The following RYR3 variants were observed in gnomAD, a reference collection of about 807,000 sequenced individuals.
The protein encoded by RYR3 is brain ryanodine receptor-calcium release channel.
RYR3 carries 207 observed loss-of-function variants against 584.3 expected under a neutral mutation model. The ratio of observed to expected loss-of-function variants is 0.35; its 90% CI spans 0.32 to 0.40. The LOEUF is 0.40. RYR3 is among the 10% of genes least tolerant of loss of function. RYR3 has a pLI of 1.00. For synonymous variants in RYR3, 2,416 were observed against 2,248.5 expected, an observed-to-expected ratio of 1.07 and a Z score of -2.11; for missense variants, 5,616 against 6,089.2, an observed-to-expected ratio of 0.92 and a Z score of 2.59.
intron 1 of RYR3, among the ~76,000 whole-genome samples, chr15:33,356,579 C>G (rs1367005985): frequency 6.6e-6 from 1 of 152,118 alleles, no homozygotes; most frequent in Non-Finnish European, 1.5e-5. Flanking sequence ...TGTATAATCT[C>G]TCTGAATTTT....
intron 16 of RYR3, among the ~76,000 whole-genome samples, chr15:33,591,129 T>G (rs879639496): frequency 4.6e-5 from 7 of 152,192 alleles, no homozygotes; most frequent in Non-Finnish European, 1.0e-4. Flanking sequence ...GCTCCTCACT[T>G]CCTACTTTTC....
intron 69 of RYR3, 57 bp downstream of exon 69, chr15:33,802,018 T>G: frequency 1.9e-6 from 2 of 1,038,682 alleles, no homozygotes; most frequent in Non-Finnish European, 3.1e-6. Flanking sequence ...AGCCATGACT[T>G]GGATCTGTTT....
In RYR3 at chr15:33,699,690, A is replaced by C. The variant is rs373487219; in HGVS notation, c.6250-14A>C. The C allele has an allele frequency of 5.0e-6, 8 of 1,611,490 alleles. No individual in the cohort carries two copies. In the African/African-American group the frequency reaches 9.3e-5, roughly 19 times the overall value. ...TAGATTCTTTTGTCTGACACTTTCT[A>C]CTTCTCCCTACAGATTGCATTTCCA... On this transcript the variant is annotated splice_polypyrimidine_tract_variant and intron_variant, in intron 40 of 103. Coordinates refer to ENST00000634891, the MANE Select transcript of RYR3 (RefSeq NM_001036.6).
intron 46 of RYR3, among the ~76,000 whole-genome samples, 168 bp from the exon 47 acceptor site, chr15:33,728,689 G>C (rs1238567424): frequency 1.3e-5 from 2 of 152,180 alleles, no homozygotes; most frequent in Admixed American, 6.5e-5. Flanking sequence ...TTCAGATCTT[G>C]GTGCATTTCA....
intron 11 of RYR3, among the ~76,000 whole-genome samples, chr15:33,564,756 T>C (rs1221268582): frequency 2.0e-5 from 3 of 152,182 alleles, no homozygotes. Context: ...TGGCCATGCC[T>C]TCTCTTCTAG....
rs1023600248 is a variant in RYR3 at position 33,390,550 on chromosome 15, G to C, written c.51+79454G>C. 2.6e-5 allele frequency among the ~76,000 whole-genome samples: 4 copies of C among 152,150 alleles called. No individual in the cohort carries two copies. The highest frequency in any genetic ancestry group is 5.9e-5 in the Non-Finnish European group (4 of 68,038). ...CGACTTCTTCTTCAGGGGGTGATAG[G>C]TGTGGAGAGAAGAGTTAACAAAGCA... On this transcript the variant is annotated intron_variant, in intron 1 of 103. Coordinates refer to ENST00000634891, the MANE Select transcript of RYR3 (RefSeq NM_001036.6). This position sits in a 1 kb window ranked among gnomAD's most constrained non-coding sequence, Gnocchi z 4.2.
intron 19 of RYR3, among the ~76,000 whole-genome samples, chr15:33,619,696 C>T (rs1206926801): frequency 6.6e-6 from 1 of 152,180 alleles, no homozygotes; most frequent in East Asian, 1.9e-4. Flanking sequence ...AGCTTGAGCC[C>T]TTCCCCAGCT....
chr15:33,611,206 A>G (rs964303581), intron 18 of RYR3, among the ~76,000 whole-genome samples: 4 of 152,166 alleles, frequency 2.6e-5, no homozygotes, highest in Non-Finnish European at 2.9e-5. Flanking sequence ...AAAATGTTTG[A>G]GATATAATTA....
At chr15:33,495,494 A>T (rs2051334940) in intron 2 of RYR3, among the ~76,000 whole-genome samples, 1 of 152,222 alleles carries the variant, frequency 6.6e-6, no homozygotes, top group Non-Finnish European at 1.5e-5. Context: ...GGGATAGATG[A>T]CATAGTATTT....
At chr15:33,815,191 G>T (rs141022859) in intron 74 of RYR3, among the ~76,000 whole-genome samples, 105 of 152,248 alleles carry the variant, frequency 6.9e-4, no homozygotes, top group African/African-American at 2.4e-3. Context: ...TAGAATTCAT[G>T]AATGAAAAGA....
At position 33,726,474 on chromosome 15, in the gene RYR3, G is replaced by C; in HGVS notation, c.7001G>C (p.Ser2334Thr). 1.9e-6 allele frequency: 3 copies of C among 1,603,972 alleles called. No homozygotes were observed. The highest frequency in any genetic ancestry group is 1.1e-5 in the South Asian group (1 of 88,850). Residue 2334 changes from serine (S) to threonine (T), a missense_variant, in exon 46 of 104, where the codon AGC (serine) becomes ACC (threonine). Coordinates refer to ENST00000634891, the MANE Select transcript of RYR3 (RefSeq NM_001036.6). ...ACAGAAGACCTGGTTGGGATCATCA[G>C]CATCCCCTTGAAACTGCCCTCCCTC... The part of the protein sequence containing the change: ...VPTEDLVGII[S>T]IPLKLPSLNK...
At chr15:33,831,566 G>T (rs563327977) in intron 86 of RYR3, among the ~76,000 whole-genome samples, 1 of 152,344 alleles carries the variant, frequency 6.6e-6, no homozygotes, top group African/African-American at 2.4e-5. Context: ...AACTCTGGAA[G>T]AAGTAACTTC....
chr15:33,832,274 A>G (rs1262525591), intron 86 of RYR3, among the ~76,000 whole-genome samples: 1 of 150,486 alleles, frequency 6.6e-6, no homozygotes, highest in African/African-American at 2.5e-5. Flanking sequence ...AACCTGGGCG[A>G]CAGAGCAAGA....
intron 43 of RYR3, among the ~76,000 whole-genome samples, chr15:33,720,700 C>CAA (rs1366291497): frequency 2.0e-5 from 3 of 152,012 alleles, no homozygotes; most frequent in Non-Finnish European, 4.4e-5. Flanking sequence ...CCTGTCTTTA[C>CAA]AAAAAAGTAC....
intron 86 of RYR3, 62 bp from the exon 87 acceptor site, chr15:33,834,906 T>C: frequency 7.5e-7 from 1 of 1,332,678 alleles, no homozygotes; most frequent in Non-Finnish European, 1.1e-6. Flanking sequence ...ATGCCCTTAC[T>C]AGACAGGTTT....
At chr15:33,538,603 G>A (rs2055535101) in intron 5 of RYR3, among the ~76,000 whole-genome samples, 1 of 152,130 alleles carries the variant, frequency 6.6e-6, no homozygotes, top group African/African-American at 2.4e-5. Context: ...GCTGTTCAGG[G>A]CAGGGAAAGG....
At chr15:33,754,987 C>T in intron 57 of RYR3, 78 bp from the exon 58 acceptor site, 1 of 748,382 alleles carries the variant, frequency 1.3e-6, no homozygotes, top group Non-Finnish European at 2.4e-6. Context: ...TTAAATTCAA[C>T]ACTGGTAGGA....
chr15:33,782,357 T>C (rs1938953860), intron 65 of RYR3, among the ~76,000 whole-genome samples: 1 of 152,120 alleles, frequency 6.6e-6, no homozygotes, highest in Non-Finnish European at 1.5e-5. Flanking sequence ...GACATATTCA[T>C]AAATAAAAAA....
intron 1 of RYR3, among the ~76,000 whole-genome samples, chr15:33,337,934 ATTTTTTTTTTTTTTT>A (rs199625940): frequency 0.37 from 42,433 of 114,178 alleles, 7,899 homozygotes; most frequent in East Asian, 0.49. Flanking sequence ...ATTTTAGGAG[ATTTTTTTTTTTTTTT>A]TTTTTTTTTT....
Sources: gnomAD v4.1 joint callset for allele counts (sites outside exome capture counted in the v4.1 genomes callset) on GRCh38, gnomAD v4.1.1 for gene constraint, Gnocchi (gnomAD v3.1) non-coding constraint, MANE v1.5 for transcripts, NCBI Gene and HGNC (gene_info 2026-07-23, HGNC 2026-07-21) for gene names.